The following CSMD1 variants were observed in gnomAD, a reference collection of about 807,000 sequenced individuals.
CSMD1 encodes CUB and Sushi multiple domains 1.
A neutral mutation model predicts 417.5 loss-of-function variants in CSMD1; 213 were observed. The ratio of observed to expected loss-of-function variants is 0.51; its 90% confidence interval spans 0.46 to 0.57. The LOEUF (loss-of-function observed/expected upper bound fraction) is 0.57. Ranked by LOEUF, CSMD1 falls within the 20% of genes least tolerant of loss-of-function variation. The probability of loss-of-function intolerance (pLI) is 0.00; values close to 1 mark genes in which losing one functional copy is unlikely to be tolerated. For missense variants in CSMD1, 6,923 were observed against 4,529.7 expected, an observed-to-expected ratio of 1.53 and a Z score of -15.17; for synonymous variants, 2,862 against 1,736.8, an observed-to-expected ratio of 1.65 and a Z score of -16.11.
intron 2 of CSMD1, among the ~76,000 whole-genome samples, chr8:4,538,258 C>T (rs1006437765): frequency 3.3e-5 from 5 of 151,432 alleles, no homozygotes; most frequent in African/African-American, 7.3e-5. Context: ...TTTCTAATCC[C>T]TCTTCTGCAT....
chr8:4,298,599 AT>A (rs1196977796), intron 3 of CSMD1, among the ~76,000 whole-genome samples: 2 of 152,192 alleles, frequency 1.3e-5, no homozygotes, highest in African/African-American at 4.8e-5. Flanking sequence ...TGATACACAT[AT>A]TTAATGTTAA....
chr8:3,939,222 T>C (rs1205555637), intron 5 of CSMD1, among the ~76,000 whole-genome samples: 1 of 152,038 alleles, frequency 6.6e-6, no homozygotes, highest in Non-Finnish European at 1.5e-5. Context: ...TCATCACGAA[T>C]AAACTTTTAA....
chr8:4,215,737 T>A (rs1333094318), intron 3 of CSMD1, among the ~76,000 whole-genome samples: 1 of 152,212 alleles, frequency 6.6e-6, no homozygotes, highest in Non-Finnish European at 1.5e-5. Flanking sequence ...TCTTCATGAG[T>A]AATACTTCCT....
intron 3 of CSMD1, among the ~76,000 whole-genome samples, chr8:4,066,251 C>T (rs1346662760): frequency 6.6e-6 from 1 of 152,198 alleles, no homozygotes; most frequent in Non-Finnish European, 1.5e-5. Context: ...CTCCTGTTCC[C>T]ACTGCACCTC....
intron 5 of CSMD1, among the ~76,000 whole-genome samples, chr8:3,893,393 G>C (rs1563185079): frequency 1.2e-5 from 1 of 81,512 alleles, no homozygotes; most frequent in African/African-American, 3.6e-5. Flanking sequence ...CATCAAAATT[G>C]TATGACCTTG....
chr8:4,875,195 G>A (rs748394269), intron 1 of CSMD1, among the ~76,000 whole-genome samples: 73 of 151,910 alleles, frequency 4.8e-4, no homozygotes, highest in Non-Finnish European at 7.8e-4. Context: ...TCTCTGTACA[G>A]TAGTACTTTA....
At chr8:3,819,726 A>G (rs1282358006) in intron 5 of CSMD1, among the ~76,000 whole-genome samples, 1 of 152,118 alleles carries the variant, frequency 6.6e-6, no homozygotes, top group Non-Finnish European at 1.5e-5. Context: ...AACTGGGACC[A>G]CAGGCACATG....
chr8:4,111,111 A>G (rs28394275), intron 3 of CSMD1, among the ~76,000 whole-genome samples: 39,995 of 150,794 alleles, frequency 0.27, 5,621 homozygotes, highest in Middle Eastern at 0.4. Context: ...TCCTTCTACA[A>G]AGTTTTGTTT....
At chr8:4,476,827 T>C (rs960956067) in intron 2 of CSMD1, among the ~76,000 whole-genome samples, 4 of 152,180 alleles carry the variant, frequency 2.6e-5, no homozygotes, top group African/African-American at 9.7e-5. Flanking sequence ...TCACCGTACT[T>C]CCCTGGATTC....
chr8:4,896,490 A>G (rs1336339780), intron 1 of CSMD1, among the ~76,000 whole-genome samples: 2 of 152,126 alleles, frequency 1.3e-5, no homozygotes, highest in Non-Finnish European at 2.9e-5. Flanking sequence ...CTCTGTCTCT[A>G]AAATTTTTAT....
rs539809308 is a variant in CSMD1, at chr8:4,714,070, G to A, written c.86-76512C>T. Among the ~76,000 whole-genome samples, 13 of 152,130 alleles carry A rather than the reference G, an allele frequency of 8.5e-5. 1 individual carries two copies. The South Asian group carries it at 1.5e-3, about 17-fold the overall frequency. On this transcript the variant is annotated intron_variant, in intron 1 of 69. Coordinates refer to ENST00000635120, the MANE Select transcript of CSMD1 (RefSeq NM_033225.6). ...TGAGGCAGGAGGATCACCTGAACCC[G>A]GGAGACAGAGGTTGCAGTGAGCCAA...
chr8:3,853,061 C>T (rs1407236117), intron 5 of CSMD1, among the ~76,000 whole-genome samples: 2 of 152,118 alleles, frequency 1.3e-5, no homozygotes, highest in African/African-American at 2.4e-5. Context: ...TCGAGCAACC[C>T]ACGTCACTCC....
chr8:3,300,614 C>G (rs1222954169), intron 25 of CSMD1, among the ~76,000 whole-genome samples: 3 of 152,032 alleles, frequency 2.0e-5, no homozygotes, highest in South Asian at 4.1e-4. Context: ...TAAATATAAG[C>G]AAAGATTTAC....
chr8:3,824,361 TGAC>T (rs1356265521), intron 5 of CSMD1, among the ~76,000 whole-genome samples: 1 of 152,080 alleles, frequency 6.6e-6, no homozygotes, highest in Non-Finnish European at 1.5e-5. Context: ...GTTTGTCAAA[TGAC>T]GGCGATTTCC....
At position 3,758,948 on chromosome 8, in the gene CSMD1, G is replaced by C. The variant is rs1214137466; in HGVS notation, c.819-4906C>G. ...GAAGAGCCTGTGGACAAAGGTCAGA[G>C]TGACGCATTGAGGGCTTCACCCTCT... On this transcript the variant is annotated intron_variant, in intron 5 of 69. Transcript: ENST00000635120. Among the ~76,000 whole-genome samples the C allele has an allele frequency of 3.3e-5, 5 of 152,206 alleles. No individual in the cohort carries two copies. In the East Asian group the frequency reaches 7.7e-4, roughly 23 times the overall value.
At chr8:3,430,217 T>C (rs556286075) in intron 12 of CSMD1, among the ~76,000 whole-genome samples, 1 of 152,286 alleles carries the variant, frequency 6.6e-6, no homozygotes, top group East Asian at 1.9e-4. Flanking sequence ...TCCACTGATA[T>C]GTAGGACTAT....
intron 3 of CSMD1, among the ~76,000 whole-genome samples, chr8:4,405,320 T>C (rs1804932485): frequency 6.6e-6 from 1 of 151,762 alleles, no homozygotes; most frequent in Admixed American, 6.6e-5. Flanking sequence ...TTAGTTTTTT[T>C]CTCATTTTTT....
intron 4 of CSMD1, among the ~76,000 whole-genome samples, chr8:3,998,458 G>C (rs1815397594): frequency 6.6e-6 from 1 of 152,204 alleles, no homozygotes; most frequent in Admixed American, 6.5e-5. Context: ...CACTATGTAA[G>C]CAACATTTTG....
chr8:4,231,603 C>G (rs962584934), intron 3 of CSMD1, among the ~76,000 whole-genome samples: 4 of 152,098 alleles, frequency 2.6e-5, no homozygotes, highest in African/African-American at 4.8e-5. Context: ...CATACAATCC[C>G]CCAACAAATG....
Sources: gnomAD v4.1 joint callset for allele counts (sites outside exome capture counted in the v4.1 genomes callset) on GRCh38, gnomAD v4.1.1 for gene constraint, MANE v1.5 for transcripts, NCBI Gene and HGNC (gene_info 2026-07-23, HGNC 2026-07-21) for gene names.